Variants in TMEM144 observed in about 807,000 individuals in gnomAD.
The protein encoded by TMEM144 is transmembrane protein 144.
A neutral mutation model predicts 43.6 loss-of-function variants in TMEM144; 39 were observed. That is an observed-to-expected ratio of 0.90 (90% confidence interval 0.69 to 1.17). The LOEUF is 1.17. Among genes scored for constraint, TMEM144 ranks in the 50% most tolerant of loss-of-function variants. The pLI is 0.00. For missense variants in TMEM144, 417 were observed against 411.9 expected (o/e 1.01, Z -0.11); for synonymous variants, 154 against 133.6 (o/e 1.15, Z -1.06).
intron 10 of TMEM144, 96 bp downstream of exon 10, chr4:158,240,514 C>T (rs534906136): frequency 4.2e-5 from 56 of 1,342,592 alleles, no homozygotes; most frequent in Non-Finnish European, 5.5e-5. Context: ...AAGCCATCCT[C>T]TGTGTGTATA....
intron 12 of TMEM144, among the ~76,000 whole-genome samples, chr4:158,245,679 G>A (rs1485930064): frequency 6.6e-6 from 1 of 151,834 alleles, no homozygotes; most frequent in Non-Finnish European, 1.5e-5. Context: ...GCTCACACCT[G>A]TAATCCCAGC....
chr4:158,215,247 A>G lies in TMEM144; in HGVS notation c.166A>G (p.Asn56Asp). The G allele has an allele frequency of 6.2e-7, 1 of 1,613,896 alleles. No homozygotes were observed. The highest frequency in any genetic ancestry group is 8.5e-7 in the Non-Finnish European group (1 of 1,179,818). The change falls in exon 4 of 13, where the codon AAT (asparagine) becomes GAT (aspartate). Residue 56 changes from asparagine to aspartate, a missense_variant. Asn to Asp is a conservative substitution (Grantham distance 23). Transcript: ENST00000296529. ...AAIWLVALVVNLILHCPKFWP... is the reference protein window; with the variant it reads ...AAIWLVALVVDLILHCPKFWP... ...CATATGGTTGGTTGCCTTGGTTGTC[A>G]ATCTGATATTACATTGTCCAAAGTT...
intron 6 of TMEM144, among the ~76,000 whole-genome samples, chr4:158,220,405 A>G (rs1734454409): frequency 6.6e-6 from 1 of 152,220 alleles, no homozygotes; most frequent in Non-Finnish European, 1.5e-5. Context: ...AGGATGGCTT[A>G]GTTTTGACTT....
Position 158,212,714 on chromosome 4 carries a change from T to G in TMEM144, c.47T>G (p.Phe16Cys). 1 of 1,613,890 alleles carries G rather than the reference T, an allele frequency of 6.2e-7. No homozygotes were observed. Among genetic ancestry groups the G allele is most frequent in the South Asian group, 1.1e-5 (1 of 91,046 alleles). ...ADLTFGYISCFVAILLFGSNF... is the reference protein window; with the variant it reads ...ADLTFGYISCCVAILLFGSNF... The stretch of plus-strand genomic sequence containing the variant: ...CTAACCTTTGGTTACATCTCCTGTT[T>G]TGTAGCTATCCTTTTGTTTGGCTCA... Residue 16 changes from phenylalanine to cysteine, a missense_variant, in exon 3 of 13, where the codon TTT becomes TGT. Transcript: ENST00000296529.
At position 158,255,360 on chromosome 4, in the gene TMEM144, AT is replaced by A. The variant is rs1269208444; in HGVS notation, c.*1836del. 2.0e-5 allele frequency: 3 copies of A among 151,130 alleles called. No homozygotes were observed. Among genetic ancestry groups the A allele is most frequent in the Admixed American group, 1.3e-4 (2 of 15,136 alleles). The allele number at this position is 151,130 out of a possible 1,614,324, so 9.4% of individuals were successfully genotyped here. ...AATTATTCTTTAGTTGGGATTTCCA[AT>A]TTATATGCAAAATTTTAAATGTGAA... On this transcript the variant is annotated 3_prime_UTR_variant, in exon 13 of 13. Transcript: ENST00000296529.
chr4:158,230,043 T>A (rs1010552360), intron 6 of TMEM144, among the ~76,000 whole-genome samples: 2 of 152,238 alleles, frequency 1.3e-5, no homozygotes, highest in Non-Finnish European at 2.9e-5. Context: ...CTCAGCAGGC[T>A]GAGGCAGATT....
intron 2 of TMEM144, chr4:158,211,861 T>A (rs898824230): frequency 2.0e-5 from 3 of 152,256 alleles, no homozygotes; most frequent in African/African-American, 7.2e-5. Context: ...TTTTGTAGGT[T>A]GTTGTATATT....
At chr4:158,232,272 A>T (rs1735119762) in intron 6 of TMEM144, among the ~76,000 whole-genome samples, 1 of 152,230 alleles carries the variant, frequency 6.6e-6, no homozygotes, top group African/African-American at 2.4e-5. Flanking sequence ...TATCTCTTAA[A>T]CTATATCCTG....
chr4:158,235,580 A>T, intron 8 of TMEM144, 75 bp downstream of exon 8: 1 of 1,432,004 alleles, frequency 7.0e-7, no homozygotes, highest in Non-Finnish European at 9.5e-7. Context: ...AGCATGAAGT[A>T]ATGTTCATCT....
At chr4:158,228,626 G>T (rs1734899451) in intron 6 of TMEM144, among the ~76,000 whole-genome samples, 1 of 152,108 alleles carries the variant, frequency 6.6e-6, no homozygotes, top group African/African-American at 2.4e-5. Context: ...GCGCTCTCAG[G>T]ATCCATGTCG....
chr4:158,246,139 TA>T (rs1258876750), intron 12 of TMEM144, among the ~76,000 whole-genome samples: 4 of 152,132 alleles, frequency 2.6e-5, no homozygotes, highest in Admixed American at 2.0e-4. Context: ...AATCTTTTTT[TA>T]AAAAATTGCT....
At position 158,253,557 on chromosome 4, in the gene TMEM144, A is replaced by G; in HGVS notation, c.*30A>G. 1.9e-6 allele frequency: 3 copies of G among 1,570,504 alleles called. No individual in the cohort carries two copies. The highest frequency in any genetic ancestry group is 2.6e-6 in the Non-Finnish European group (3 of 1,141,906). ...GACAAAACCAGCAGGTGGCAGCAGT[A>G]GTTAAGAGAACGCGTCTATCGGACA... On this transcript the variant is annotated 3_prime_UTR_variant, in exon 13 of 13. Coordinates refer to ENST00000296529, the MANE Select transcript of TMEM144 (RefSeq NM_018342.5).
intron 12 of TMEM144, among the ~76,000 whole-genome samples, chr4:158,249,741 TA>T (rs1206184551): frequency 4.6e-5 from 7 of 152,200 alleles, no homozygotes; most frequent in Non-Finnish European, 8.8e-5. Flanking sequence ...TCACAAAATA[TA>T]CGTGGAAATC....
intron 11 of TMEM144, among the ~76,000 whole-genome samples, chr4:158,242,772 T>G (rs528494687): frequency 6.6e-6 from 1 of 152,334 alleles, no homozygotes; most frequent in South Asian, 2.1e-4. Context: ...AATCTTAAGA[T>G]AGGAGCGAGT....
At position 158,223,816 on chromosome 4, in the gene TMEM144, T is replaced by G. The variant is rs531860070; in HGVS notation, c.413+4426T>G. On this transcript the variant is annotated intron_variant, in intron 6 of 12. Transcript: ENST00000296529. ...CTTTCTTTATCCAGTCTATCATTGA[T>G]GGGCATTTGGGTTGGTTTCATGACT... Among the ~76,000 whole-genome samples the G allele has an allele frequency of 5.9e-5, 9 of 152,370 alleles. No individual in the cohort carries two copies. In the East Asian group the frequency reaches 1.7e-3, roughly 29 times the overall value.
Position 158,253,598 on chromosome 4 carries a change from T to A in TMEM144, c.*71T>A. The stretch of plus-strand genomic sequence containing the variant: ...CTATCGGACAGCGGAGAGATCATGC[T>A]GAGAAAAGAGTGCATTTTCATATAG... On this transcript the variant is annotated 3_prime_UTR_variant, in exon 13 of 13. Transcript: ENST00000296529. 7.6e-7 allele frequency: 1 copy of A among 1,314,606 alleles called. No homozygotes were observed. Among genetic ancestry groups the A allele is most frequent in the Non-Finnish European group, 1.1e-6 (1 of 925,024 alleles). The allele number at this position is 1,314,606 out of a possible 1,614,324, so 81.4% of individuals were successfully genotyped here.
chr4:158,245,002 T>C (rs189055561), intron 12 of TMEM144, among the ~76,000 whole-genome samples: 4 of 150,822 alleles, frequency 2.7e-5, no homozygotes, highest in Admixed American at 1.3e-4. Flanking sequence ...GATGAAAGAT[T>C]TTTTTTTTAT....
chr4:158,218,577 C>T (rs1579106505), intron 5 of TMEM144, among the ~76,000 whole-genome samples: 1 of 144,476 alleles, frequency 6.9e-6, no homozygotes, highest in African/African-American at 2.7e-5. Flanking sequence ...GTAATGATCA[C>T]GGCAATGTCA....
chr4:158,224,897 G>A (rs1734686351), intron 6 of TMEM144, among the ~76,000 whole-genome samples: 2 of 152,124 alleles, frequency 1.3e-5, no homozygotes, highest in Admixed American at 1.3e-4. Flanking sequence ...GGGCCTATTA[G>A]AATAAACTGA....
Sources: gnomAD v4.1 joint callset for allele counts (sites outside exome capture counted in the v4.1 genomes callset) on GRCh38, gnomAD v4.1.1 for gene constraint, MANE v1.5 for transcripts, NCBI Gene and HGNC (gene_info 2026-07-23, HGNC 2026-07-21) for gene names.